The following CCSER1 variants were observed in gnomAD, a reference collection of about 807,000 sequenced individuals.
The protein encoded by CCSER1 is coiled-coil serine rich protein 1.
In CCSER1, 41 loss-of-function variants were observed where a neutral mutation model predicts 82.0. That is an observed-to-expected ratio of 0.50 (90% CI 0.39 to 0.65). The LOEUF (loss-of-function observed/expected upper bound fraction) is 0.65, where lower values mean the gene tolerates loss of function less well. Among genes scored for constraint, CCSER1 ranks in the 30% least tolerant of loss-of-function variants. The pLI, the probability that CCSER1 is intolerant of heterozygous loss-of-function variation, is 0.00. For synonymous variants in CCSER1, 414 were observed against 383.9 expected, an observed-to-expected ratio of 1.08 and a Z score of -0.92; for missense variants, 1,119 against 1,064.2, an observed-to-expected ratio of 1.05 and a Z score of -0.72.
intron 8 of CCSER1, among the ~76,000 whole-genome samples, chr4:90,905,536 A>G (rs1422245660): frequency 2.0e-5 from 3 of 152,112 alleles, no homozygotes; most frequent in African/African-American, 7.2e-5. Flanking sequence ...AAGGCCCACC[A>G]TGAGTGTCAA....
chr4:90,841,374 C>T (rs548809132), intron 8 of CCSER1, among the ~76,000 whole-genome samples: 11 of 151,800 alleles, frequency 7.2e-5, no homozygotes, highest in Non-Finnish European at 1.3e-4. Flanking sequence ...GTGAGGAGAT[C>T]GAGACCCTCC....
intron 7 of CCSER1, among the ~76,000 whole-genome samples, chr4:90,776,875 T>C (rs1011320871): frequency 6.6e-6 from 1 of 152,192 alleles, no homozygotes; most frequent in Non-Finnish European, 1.5e-5. Flanking sequence ...TCTTATTGTT[T>C]CCTATCTCAC....
chr4:91,288,792 G>A (rs1743519739), intron 10 of CCSER1, among the ~76,000 whole-genome samples: 1 of 151,938 alleles, frequency 6.6e-6, no homozygotes, highest in Admixed American at 6.6e-5. Flanking sequence ...TTTATTCTTG[G>A]GACAGATACA....
rs142583481 is a variant in CCSER1 at position 91,470,352 on chromosome 4, C to T, written c.2218-128220C>T. Among the ~76,000 whole-genome samples, 27 of 152,078 alleles carry T rather than the reference C, an allele frequency of 1.8e-4. No individual in the cohort carries two copies. In the East Asian group the frequency reaches 4.3e-3, roughly 24 times the overall value. ...TTTGTAGTTGGAAGTAATTCTATTC[C>T]TCCTTCTTCTTCCTAAATATACTAG... On this transcript the variant is annotated intron_variant, in intron 10 of 10. Transcript: ENST00000509176.
At chr4:90,877,572 T>A (rs1259909478) in intron 8 of CCSER1, among the ~76,000 whole-genome samples, 1 of 152,106 alleles carries the variant, frequency 6.6e-6, no homozygotes, top group East Asian at 1.9e-4. Flanking sequence ...GAGTTCATTT[T>A]TAAATGTTGA....
intron 10 of CCSER1, among the ~76,000 whole-genome samples, chr4:91,503,204 T>A (rs1759304975): frequency 6.6e-6 from 1 of 151,600 alleles, no homozygotes; most frequent in South Asian, 2.1e-4. Flanking sequence ...AAGCTGGGCG[T>A]GGTGGCGGGC....
chr4:91,287,394 C>T (rs2149212805), intron 10 of CCSER1, among the ~76,000 whole-genome samples: 1 of 151,924 alleles, frequency 6.6e-6, no homozygotes, highest in South Asian at 2.1e-4. Context: ...ATCTACTGTT[C>T]CACACAATGT....
chr4:90,715,222 A>G (rs1470125408), intron 6 of CCSER1, among the ~76,000 whole-genome samples: 3 of 151,980 alleles, frequency 2.0e-5, no homozygotes, highest in Non-Finnish European at 4.4e-5. Context: ...CCAGTATCTG[A>G]CAAAGTACAG....
At chr4:90,310,305 G>GT (rs1231067422) in intron 2 of CCSER1, among the ~76,000 whole-genome samples, 2 of 151,738 alleles carry the variant, frequency 1.3e-5, no homozygotes, top group South Asian at 2.1e-4. Flanking sequence ...AGAAAACTTT[G>GT]TTTTTTTAAC....
chr4:91,487,008 C>G (rs1216425876), intron 10 of CCSER1, among the ~76,000 whole-genome samples: 1 of 151,830 alleles, frequency 6.6e-6, no homozygotes, highest in African/African-American at 2.4e-5. Context: ...ATACATAAAC[C>G]AAATATACAT....
chr4:91,548,242 C>T (rs1022077846), intron 10 of CCSER1, among the ~76,000 whole-genome samples: 1 of 152,170 alleles, frequency 6.6e-6, no homozygotes, highest in Non-Finnish European at 1.5e-5. Flanking sequence ...CATACAACTT[C>T]ACAGGTAATG....
intron 10 of CCSER1, among the ~76,000 whole-genome samples, chr4:91,407,322 AC>A (rs1752758664): frequency 6.6e-6 from 1 of 152,144 alleles, no homozygotes; most frequent in Non-Finnish European, 1.5e-5. Context: ...ATAGGCAAAA[AC>A]CGTGTCTTGT....
At chr4:90,426,213 G>A (rs992490731) in intron 4 of CCSER1, among the ~76,000 whole-genome samples, 5 of 152,100 alleles carry the variant, frequency 3.3e-5, no homozygotes, top group African/African-American at 1.2e-4. Flanking sequence ...TTCAAGTGCT[G>A]ATTTCTTACC....
intron 5 of CCSER1, among the ~76,000 whole-genome samples, chr4:90,591,637 G>T (rs1782709111): frequency 6.6e-6 from 1 of 152,086 alleles, no homozygotes; most frequent in Non-Finnish European, 1.5e-5. Flanking sequence ...GATTCCTCAA[G>T]GATCTAGAAT....
intron 5 of CCSER1, among the ~76,000 whole-genome samples, chr4:90,626,035 G>A (rs893430622): frequency 1.3e-5 from 2 of 152,096 alleles, no homozygotes; most frequent in African/African-American, 2.4e-5. Flanking sequence ...GAGCCAGCAC[G>A]CTAACTAACA....
chr4:91,444,390 G>A (rs1159629763), intron 10 of CCSER1, among the ~76,000 whole-genome samples: 1 of 152,006 alleles, frequency 6.6e-6, no homozygotes, highest in Non-Finnish European at 1.5e-5. Context: ...TAATAGGAAA[G>A]CAAAGTGATG....
At chr4:90,824,836 T>C (rs918583693) in intron 8 of CCSER1, among the ~76,000 whole-genome samples, 3 of 152,154 alleles carry the variant, frequency 2.0e-5, no homozygotes, top group African/African-American at 7.2e-5. Flanking sequence ...AAGTAATAGA[T>C]TAGGTATACT....
intron 10 of CCSER1, among the ~76,000 whole-genome samples, chr4:91,252,208 T>G (rs1740309342): frequency 6.6e-6 from 1 of 152,068 alleles, no homozygotes; most frequent in Non-Finnish European, 1.5e-5. Flanking sequence ...AAAATTGTTG[T>G]CAACAAATAA....
chr4:90,549,313 T>C (rs1777171446), intron 5 of CCSER1, among the ~76,000 whole-genome samples: 1 of 152,186 alleles, frequency 6.6e-6, no homozygotes, highest in South Asian at 2.1e-4. Flanking sequence ...GTGAAACTCC[T>C]CTTTCAACAA....
Sources: gnomAD v4.1 joint callset for allele counts (sites outside exome capture counted in the v4.1 genomes callset) on GRCh38, gnomAD v4.1.1 for gene constraint, MANE v1.5 for transcripts, NCBI Gene and HGNC (gene_info 2026-07-23, HGNC 2026-07-21) for gene names.